SLC35D1: variants seen among roughly 807,000 people sequenced by gnomAD.
SLC35D1 encodes solute carrier family 35 member D1, also known as nucleotide sugar transporter SLC35D1.
Under a neutral mutation model 46.7 loss-of-function variants are expected in SLC35D1, and 31 were observed. That is an observed-to-expected ratio of 0.66 (90% CI 0.50 to 0.90). SLC35D1 has a LOEUF of 0.90. Ranked by LOEUF, SLC35D1 falls within the 40% of genes least tolerant of loss-of-function variation. The pLI is 0.00. For missense variants in SLC35D1, 397 were observed against 426.2 expected (o/e 0.93, Z 0.60); for synonymous variants, 195 against 164.6 (o/e 1.18, Z -1.41).
intron 8 of SLC35D1, chr1:67,032,059 C>G: frequency 1.0e-6 from 1 of 985,396 alleles, no homozygotes; most frequent in Non-Finnish European, 1.2e-6. Flanking sequence ...ACTAAACAGG[C>G]TCTCTGCCAC....
intron 11 of SLC35D1, among the ~76,000 whole-genome samples, chr1:67,007,818 C>T (rs1321245906): frequency 2.0e-5 from 3 of 152,170 alleles, no homozygotes; most frequent in Non-Finnish European, 4.4e-5. Flanking sequence ...TTATACAACA[C>T]TACCAAATGA....
At chr1:66,974,205 G>C in the SLC35D1 span, among the ~76,000 whole-genome samples, 1 of 151,910 alleles carries the variant, frequency 6.6e-6, no homozygotes, top group Non-Finnish European at 1.5e-5. Flanking sequence ...AACACTAATA[G>C]AGAAATGTTT....
chr1:67,009,064 T>G, intron 11 of SLC35D1, 21 bp downstream of exon 11: 1 of 1,206,528 alleles, frequency 8.3e-7, no homozygotes, highest in South Asian at 1.2e-5. Flanking sequence ...TTTTGCAATT[T>G]AATTAAATAT....
the SLC35D1 span, among the ~76,000 whole-genome samples, chr1:66,992,181 T>C: frequency 6.6e-6 from 1 of 152,246 alleles, no homozygotes; most frequent in Non-Finnish European, 1.5e-5. Context: ...GGTCAGATTT[T>C]GTAGCCAAAT....
chr1:67,021,874 C>T (rs1375005593), intron 8 of SLC35D1, among the ~76,000 whole-genome samples: 3 of 152,034 alleles, frequency 2.0e-5, no homozygotes, highest in South Asian at 2.1e-4. Flanking sequence ...CAAAATGTAA[C>T]GTGGGGATTT....
the SLC35D1 span, among the ~76,000 whole-genome samples, chr1:66,979,022 C>T: frequency 2.6e-5 from 4 of 152,134 alleles, no homozygotes; most frequent in Non-Finnish European, 1.5e-5. Flanking sequence ...AATGGTATGA[C>T]GTGAACTAAT....
chr1:67,014,779 T>A (rs1667647150), intron 10 of SLC35D1, among the ~76,000 whole-genome samples: 1 of 149,688 alleles, frequency 6.7e-6, no homozygotes, highest in Non-Finnish European at 1.5e-5. Context: ...ATATTTTTAA[T>A]GCTTACTTAA....
At chr1:66,980,299 A>T in the SLC35D1 span, among the ~76,000 whole-genome samples, 1 of 152,232 alleles carries the variant, frequency 6.6e-6, no homozygotes, top group Non-Finnish European at 1.5e-5. Context: ...ATAGATTTAT[A>T]GGTATTCAAG....
At chr1:66,979,078 G>T in the SLC35D1 span, among the ~76,000 whole-genome samples, 1 of 151,994 alleles carries the variant, frequency 6.6e-6, no homozygotes, top group African/African-American at 2.4e-5. Context: ...GTAGGCTTCA[G>T]TTGTAGCCCC....
rs1667322890 is a variant in SLC35D1 at position 67,000,753 on chromosome 1, A to C, written c.*3587T>G. On this transcript the variant is annotated 3_prime_UTR_variant, in exon 12 of 12. Transcript: ENST00000235345. ...CAATTACAGTCTTGTTCATAGGAAAAACCAAACTTACAATTTTGGGAAAGC... is the reference window on the plus strand; with the variant it reads ...CAATTACAGTCTTGTTCATAGGAAACACCAAACTTACAATTTTGGGAAAGC... 6.6e-6 allele frequency: 1 copy of C among 152,318 alleles called. No homozygotes were observed. Among genetic ancestry groups the C allele is most frequent in the South Asian group, 2.1e-4 (1 of 4,822 alleles). 9.4% of individuals were successfully genotyped at this position (152,318 alleles called of 1,614,324 possible).
At chr1:67,046,972 G>A (rs1231792338) in intron 7 of SLC35D1, among the ~76,000 whole-genome samples, 1 of 152,058 alleles carries the variant, frequency 6.6e-6, no homozygotes, top group Non-Finnish European at 1.5e-5. Context: ...AAGTCCTCTA[G>A]AATACAGCCA....
intron 3 of SLC35D1, 37 bp from the exon 4 acceptor site, chr1:67,052,116 TAAAG>T (rs965401859): frequency 3.7e-6 from 5 of 1,348,320 alleles, no homozygotes; most frequent in Non-Finnish European, 5.3e-6. Context: ...AACTCAATAA[TAAAG>T]ATAGCTAAAA....
At chr1:67,052,622 T>C in intron 3 of SLC35D1, 149 bp downstream of exon 3, 1 of 724,462 alleles carries the variant, frequency 1.4e-6, no homozygotes, top group Non-Finnish European at 2.3e-6. Flanking sequence ...TTGACACATA[T>C]TACTACTTTT....
intron 9 of SLC35D1, among the ~76,000 whole-genome samples, 173 bp from the exon 10 acceptor site, chr1:67,020,620 A>C (rs891967794): frequency 5.9e-5 from 9 of 152,190 alleles, no homozygotes; most frequent in Non-Finnish European, 1.3e-4. Flanking sequence ...AATTTCACTA[A>C]ATAGAAACAC....
Position 67,021,574 on chromosome 1 carries a change from G to A in SLC35D1, c.758C>T (p.Thr253Ile), listed in dbSNP as rs1488143297. 1.2e-6 allele frequency: 2 copies of A among 1,613,950 alleles called. No homozygotes were observed. The highest frequency in any genetic ancestry group is 4.5e-5 in the East Asian group (2 of 44,872). ...KAVEFEGWAD[T>I]LFLLQFTLSC... Reference sequence around the variant, plus strand: ...GAGGGTGAACTGCAGAAGAAAGAGGGTGTCAGCCCAGCCTTCAAACTCCAC... The same window carrying A: ...GAGGGTGAACTGCAGAAGAAAGAGGATGTCAGCCCAGCCTTCAAACTCCAC... The change falls in exon 9 of 12, where the codon ACC becomes ATC. Residue 253 changes from threonine (T) to isoleucine (I), a missense_variant. By Grantham distance (89) the Thr-to-Ile change is moderately conservative. Coordinates refer to ENST00000235345, the MANE Select transcript of SLC35D1 (RefSeq NM_015139.3).
intron 8 of SLC35D1, among the ~76,000 whole-genome samples, chr1:67,034,860 T>A (rs757473767): frequency 5.3e-5 from 8 of 152,168 alleles, no homozygotes; most frequent in Non-Finnish European, 1.2e-4. Context: ...TTTTGAGGAT[T>A]TTTATCATGA....
intron 7 of SLC35D1, among the ~76,000 whole-genome samples, chr1:67,044,331 T>TC (rs1491405878): frequency 2.1e-5 from 3 of 140,646 alleles, no homozygotes; most frequent in African/African-American, 5.2e-5. Context: ...AGACTCCATC[T>TC]GAAAAAAAAA....
the SLC35D1 span, among the ~76,000 whole-genome samples, chr1:66,980,630 CTT>C: frequency 2.0e-5 from 3 of 152,120 alleles, no homozygotes; most frequent in African/African-American, 7.2e-5. Flanking sequence ...AGAGATTTGT[CTT>C]AATATTTCTA....
intron 8 of SLC35D1, among the ~76,000 whole-genome samples, chr1:67,029,883 C>T (rs1667983164): frequency 6.6e-6 from 1 of 152,136 alleles, no homozygotes; most frequent in Admixed American, 6.6e-5. Context: ...TATCAGTTTG[C>T]CCTGTTTCCT....
Sources: allele counts gnomAD v4.1 joint callset (sites outside exome capture counted in the v4.1 genomes callset), GRCh38; gene constraint gnomAD v4.1.1; transcripts MANE v1.5; gene names NCBI Gene and HGNC (gene_info 2026-07-23, HGNC 2026-07-21).